MGA: variants seen among roughly 807,000 people sequenced by gnomAD.
MGA encodes MAX gene-associated protein.
In MGA, 40 loss-of-function variants were observed where a neutral mutation model predicts 261.1. That is an observed-to-expected ratio of 0.15 (90% CI 0.12 to 0.20). The LOEUF (loss-of-function observed/expected upper bound fraction) is 0.20. MGA is among the 10% of genes least tolerant of loss of function. MGA has a pLI of 1.00. For synonymous variants in MGA, 1,302 were observed against 1,290.6 expected (o/e 1.01, Z -0.19); for missense variants, 3,397 against 3,630.5 (o/e 0.94, Z 1.65).
At chr15:41,758,452 T>A (rs1486983680) in intron 19 of MGA, among the ~76,000 whole-genome samples, 1 of 152,132 alleles carries the variant, frequency 6.6e-6, no homozygotes, top group South Asian at 2.1e-4. Context: ...TAAAAAATCA[T>A]AGTGCAGTTT....
In MGA at chr15:41,623,698, G is replaced by T. The variant is rs2056368340; in HGVS notation, c.-68+2400G>T. On this transcript the variant is annotated intron_variant, in intron 1 of 8. Transcript: ENST00000566718. The stretch of plus-strand genomic sequence containing the variant: ...GTGGAGATCGCGCCATTGCACTCCA[G>T]CCTGGGCAACAAGAGCGAAACTCCG... Among the ~76,000 whole-genome samples the T allele has an allele frequency of 2.0e-5, 3 of 149,766 alleles. No individual in the cohort carries two copies. The South Asian group carries it at 6.3e-4, about 31-fold the overall frequency.
rs751007036 is a variant in MGA, at chr15:41,736,623, T to C, written c.4359T>C (p.Tyr1453=). ...ATGGAGGCAAAGGTCTGCCTTTTTA[T>C]GCAGGGCTTTCTCCTGCAGGGAAGC... Residue 1453 remains tyrosine (Y), a synonymous_variant, in exon 13 of 24, where the codon TAT becomes TAC. Transcript: ENST00000219905. The C allele has an allele frequency of 1.7e-5, 28 of 1,613,900 alleles. No individual in the cohort carries two copies. The highest frequency in any genetic ancestry group is 2.2e-5 in the Non-Finnish European group (26 of 1,179,876).
At chr15:41,734,083 A>G (rs1397958715) in intron 11 of MGA, among the ~76,000 whole-genome samples, 1 of 151,380 alleles carries the variant, frequency 6.6e-6, no homozygotes, top group Non-Finnish European at 1.5e-5. Flanking sequence ...AAGCTTTTGT[A>G]TTTTTGGTAT....
At chr15:41,751,349 C>A (rs933336256) in intron 17 of MGA, 13 of 152,048 alleles carry the variant, frequency 8.5e-5, no homozygotes, top group African/African-American at 3.1e-4. Flanking sequence ...TAGTTTTAGA[C>A]TTTGCAGAGA....
At chr15:41,705,554 G>A (rs1228852454) in intron 5 of MGA, among the ~76,000 whole-genome samples, 2 of 152,010 alleles carry the variant, frequency 1.3e-5, no homozygotes, top group African/African-American at 2.4e-5. Flanking sequence ...TAGAAATGGG[G>A]TCTTAACCTG....
At chr15:41,762,467 T>TTTTG (rs2063530268) in intron 22 of MGA, 105 bp downstream of exon 22, 2 of 510,470 alleles carry the variant, frequency 3.9e-6, no homozygotes, top group African/African-American at 5.5e-5. Context: ...TGTGGTTTTT[T>TTTTG]TTTTTTTTTT....
chr15:41,699,391 A>T (rs905680375), intron 5 of MGA, among the ~76,000 whole-genome samples: 3 of 152,222 alleles, frequency 2.0e-5, no homozygotes, highest in Admixed American at 6.5e-5. Context: ...TATGTAAGAA[A>T]AAAATGTATC....
intron 2 of MGA, among the ~76,000 whole-genome samples, chr15:41,690,861 A>G (rs1220712078): frequency 7.0e-6 from 1 of 143,586 alleles, no homozygotes; most frequent in African/African-American, 2.4e-5. Context: ...CCTAGGTGAC[A>G]CAGTGGGACC....
chr15:41,656,962 G>A (rs2057215815), upstream of MGA, among the ~76,000 whole-genome samples: 1 of 151,908 alleles, frequency 6.6e-6, no homozygotes, highest in Non-Finnish European at 1.5e-5. Context: ...TTGCAGAGAT[G>A]GGTTCTCACT....
intron 2 of MGA, among the ~76,000 whole-genome samples, chr15:41,674,952 C>T (rs1566961587): frequency 6.6e-6 from 1 of 151,974 alleles, no homozygotes; most frequent in African/African-American, 2.4e-5. Flanking sequence ...AAATCCTCCC[C>T]TTTTTTTTGC....
At chr15:41,732,090 C>T (rs2061536453) in intron 11 of MGA, among the ~76,000 whole-genome samples, 1 of 151,982 alleles carries the variant, frequency 6.6e-6, no homozygotes, top group Non-Finnish European at 1.5e-5. Flanking sequence ...ATACTTGACC[C>T]CAAAGGTGTC....
Position 41,668,879 on chromosome 15 carries a change from G to A in MGA, c.-16G>A, listed in dbSNP as rs927488310. 5 of 1,529,672 alleles carry A rather than the reference G, an allele frequency of 3.3e-6. No individual in the cohort carries two copies. Among genetic ancestry groups the A allele is most frequent in the Admixed American group, 3.9e-5 (2 of 51,846 alleles). The allele number at this position is 1,529,672 out of a possible 1,614,324, so 94.8% of individuals were successfully genotyped here. ...GTGATTACAGTTGTCTTACTACTGA[G>A]TTTCCTACTGAAATCATGGAGGAGA... On this transcript the variant is annotated 5_prime_UTR_variant, in exon 2 of 24. Coordinates refer to ENST00000219905, the MANE Select transcript of MGA (RefSeq NM_001164273.2).
intron 1 of MGA, among the ~76,000 whole-genome samples, chr15:41,644,695 A>T (rs1055571266): frequency 4.6e-5 from 7 of 152,218 alleles, no homozygotes; most frequent in African/African-American, 1.4e-4. Flanking sequence ...TTCAAAGTGA[A>T]TATGAAATGT....
intron 15 of MGA, 150 bp from the exon 16 acceptor site, chr15:41,748,487 C>T (rs537673282): frequency 1.2e-5 from 9 of 776,304 alleles, no homozygotes; most frequent in South Asian, 5.6e-5. Flanking sequence ...TAGGGAGGTG[C>T]GGAGGTTGTA....
intron 15 of MGA, among the ~76,000 whole-genome samples, chr15:41,744,505 C>T (rs1362797749): frequency 6.6e-6 from 1 of 152,076 alleles, no homozygotes; most frequent in African/African-American, 2.4e-5. Context: ...TTGTGAATCA[C>T]AATATTAAAT....
intron 1 of MGA, among the ~76,000 whole-genome samples, chr15:41,633,376 C>G (rs1378146965): frequency 7.2e-6 from 1 of 139,684 alleles, no homozygotes; most frequent in Non-Finnish European, 1.5e-5. Flanking sequence ...TTTTTTGAGA[C>G]AGAGTCTTGC....
intron 2 of MGA, among the ~76,000 whole-genome samples, chr15:41,670,753 G>T (rs112343487): frequency 4.1e-4 from 62 of 152,130 alleles, no homozygotes; most frequent in Non-Finnish European, 6.8e-4. Flanking sequence ...TGATCTGCCC[G>T]CCTCGGCCTC....
chr15:41,647,532 C>T (rs1334198561), intron 1 of MGA, among the ~76,000 whole-genome samples: 1 of 152,118 alleles, frequency 6.6e-6, no homozygotes, highest in Non-Finnish European at 1.5e-5. Flanking sequence ...TTCTTTAAGA[C>T]ATTCTCCCTC....
chr15:41,699,078 A>G lies in MGA; in HGVS notation c.2107A>G (p.Ile703Val), dbSNP rs1450305951. ...TTTGGGTGTAGGTTACAGAGCAAGAATTTCCCAGTTGGAAAAGGAATTGAT... is the reference window on the plus strand; with the variant it reads ...TTTGGGTGTAGGTTACAGAGCAAGAGTTTCCCAGTTGGAAAAGGAATTGAT... Residue 703 changes from isoleucine (I) to valine (V), a missense_variant, in exon 5 of 24, where the codon ATT (isoleucine) becomes GTT (valine). Transcript: ENST00000219905. The G allele has an allele frequency of 6.2e-7, 1 of 1,611,502 alleles. No homozygotes were observed. The highest frequency in any genetic ancestry group is 2.2e-5 in the East Asian group (1 of 44,834).
Sources: gnomAD v4.1 joint callset for allele counts (sites outside exome capture counted in the v4.1 genomes callset) on GRCh38, gnomAD v4.1.1 for gene constraint, MANE v1.5 for transcripts, NCBI Gene and HGNC (gene_info 2026-07-23, HGNC 2026-07-21) for gene names.